The following MTMR2 variants were observed in gnomAD, a reference collection of about 807,000 sequenced individuals.
MTMR2 encodes phosphatidylinositol-3,5-bisphosphate 3-phosphatase MTMR2.
In MTMR2, 55 loss-of-function variants were observed where a neutral mutation model predicts 86.9. The ratio of observed to expected loss-of-function variants is 0.63; its 90% confidence interval spans 0.51 to 0.79. The LOEUF (loss-of-function observed/expected upper bound fraction) is 0.79. Ranked by LOEUF, MTMR2 falls within the 30% of genes least tolerant of loss-of-function variation. The probability of loss-of-function intolerance (pLI) is 0.00; values close to 1 mark genes in which losing one functional copy is unlikely to be tolerated. For synonymous variants in MTMR2, 241 were observed against 266.8 expected, an observed-to-expected ratio of 0.90 and a Z score of 0.94; for missense variants, 659 against 772.3, an observed-to-expected ratio of 0.85 and a Z score of 1.74.
intron 1 of MTMR2, among the ~76,000 whole-genome samples, chr11:95,894,848 A>C (rs1407767928): frequency 6.6e-6 from 1 of 152,152 alleles, no homozygotes; most frequent in Non-Finnish European, 1.5e-5. Flanking sequence ...TACATCACCA[A>C]TAATAACTTT....
intron 1 of MTMR2, among the ~76,000 whole-genome samples, chr11:95,912,706 T>C (rs1051882442): frequency 3.5e-4 from 53 of 151,894 alleles, no homozygotes; most frequent in African/African-American, 1.2e-3. Context: ...CTCAGAGATC[T>C]TGTGAATATC....
intron 1 of MTMR2, among the ~76,000 whole-genome samples, chr11:95,915,795 C>T (rs1031382961): frequency 1.3e-5 from 2 of 152,162 alleles, no homozygotes; most frequent in Non-Finnish European, 2.9e-5. Context: ...CCATCAACTT[C>T]ATTACCACTA....
intron 1 of MTMR2, among the ~76,000 whole-genome samples, chr11:95,919,555 C>T (rs1408339729): frequency 6.6e-6 from 1 of 152,064 alleles, no homozygotes; most frequent in Non-Finnish European, 1.5e-5. Flanking sequence ...CGACTAACAA[C>T]ACAAGTTAGA....
chr11:95,843,380 G>A (rs1400227821), intron 11 of MTMR2, among the ~76,000 whole-genome samples: 1 of 152,062 alleles, frequency 6.6e-6, no homozygotes, highest in Non-Finnish European at 1.5e-5. Flanking sequence ...AACCACACAT[G>A]GGTAAAAGAT....
chr11:95,908,895 C>T (rs1195185309), intron 1 of MTMR2, among the ~76,000 whole-genome samples: 1 of 152,112 alleles, frequency 6.6e-6, no homozygotes. Flanking sequence ...GGAATATATA[C>T]ATATACACAT....
chr11:95,914,979 T>A (rs2135626283), intron 1 of MTMR2, among the ~76,000 whole-genome samples: 1 of 152,308 alleles, frequency 6.6e-6, no homozygotes, highest in Non-Finnish European at 1.5e-5. Context: ...CCCAGCATAG[T>A]AAGCATGCAA....
chr11:95,923,822 G>T (rs1867025299), intron 1 of MTMR2, 53 bp downstream of exon 1: 8 of 1,533,726 alleles, frequency 5.2e-6, no homozygotes, highest in Non-Finnish European at 6.2e-6. Flanking sequence ...CAGGTCCCCG[G>T]CCCCTCTCCA....
intron 1 of MTMR2, among the ~76,000 whole-genome samples, chr11:95,897,340 G>A (rs1865914953): frequency 6.6e-6 from 1 of 152,084 alleles, no homozygotes; most frequent in Non-Finnish European, 1.5e-5. Flanking sequence ...ACACATGCAT[G>A]TGTGCTAAAA....
chr11:95,845,256 A>G (rs1863737603), intron 10 of MTMR2, 97 bp from the exon 11 acceptor site: 2 of 1,026,456 alleles, frequency 1.9e-6, no homozygotes, highest in Non-Finnish European at 3.0e-6. Context: ...CATTATTTCA[A>G]TAACATGAGG....
Position 95,857,581 on chromosome 11 carries a change from A to G in MTMR2, c.625T>C (p.Tyr209His). The G allele has an allele frequency of 6.2e-7, 1 of 1,612,602 alleles. No homozygotes were observed. The highest frequency in any genetic ancestry group is 1.7e-5 in the Admixed American group (1 of 60,006). Residue 209 changes from tyrosine to histidine, a missense_variant, in exon 7 of 15, where the codon TAT becomes CAT. Around this residue, in one of 3 missense-constraint regions of MTMR2, gnomAD observed 387 missense variants for 526.3 expected, o/e 0.74. Coordinates refer to ENST00000346299, the MANE Select transcript of MTMR2 (RefSeq NM_016156.6). ...EVFPENGWKLYDPLLEYRRQG... is the reference protein window; with the variant it reads ...EVFPENGWKLHDPLLEYRRQG... Reference sequence around the variant, plus strand: ...CTTCTATACTCTAAAAGAGGGTCATATAGCTTCCACCCATTTTCAGGGAAT... The same window carrying G: ...CTTCTATACTCTAAAAGAGGGTCATGTAGCTTCCACCCATTTTCAGGGAAT...
intron 11 of MTMR2, among the ~76,000 whole-genome samples, chr11:95,842,696 G>A (rs1421146527): frequency 6.6e-6 from 1 of 152,172 alleles, no homozygotes; most frequent in East Asian, 1.9e-4. Context: ...ACCTTTTTCA[G>A]TGTGTTGGCA....
intron 8 of MTMR2, among the ~76,000 whole-genome samples, chr11:95,850,223 C>T (rs550218076): frequency 6.6e-6 from 1 of 151,888 alleles, no homozygotes; most frequent in South Asian, 2.1e-4. Flanking sequence ...ATTATTTAAG[C>T]TCATCTTTCT....
In MTMR2 at chr11:95,833,929, A is replaced by G. The variant is rs1394445265; in HGVS notation, c.*1361T>C. The G allele has an allele frequency of 1.3e-5, 2 of 151,894 alleles. No individual in the cohort carries two copies. Among genetic ancestry groups the G allele is most frequent in the Admixed American group, 6.6e-5 (1 of 15,174 alleles). 9.4% of individuals were successfully genotyped at this position (151,894 alleles called of 1,614,324 possible). A position where few individuals can be genotyped will look rare whatever the true frequency, so the allele number is the denominator to read the frequency against. On this transcript the variant is annotated 3_prime_UTR_variant, in exon 15 of 15. Transcript: ENST00000346299. Reference sequence around the variant, plus strand: ...GTTCAGACTCTCTGTATAGTGAATTAGTGAGTGGAAAAACACTGTATATTT... The same window carrying G: ...GTTCAGACTCTCTGTATAGTGAATTGGTGAGTGGAAAAACACTGTATATTT...
chr11:95,891,188 C>T (rs1381012988), intron 1 of MTMR2, among the ~76,000 whole-genome samples: 1 of 152,008 alleles, frequency 6.6e-6, no homozygotes, highest in South Asian at 2.1e-4. Flanking sequence ...TAGTGGCTCA[C>T]GCCTGTAATC....
At position 95,844,939 on chromosome 11, in the gene MTMR2, G is replaced by A. The variant is rs756723447; in HGVS notation, c.1386+14C>T. 4.4e-6 allele frequency: 7 copies of A among 1,578,608 alleles called. No individual in the cohort carries two copies. The highest frequency in any genetic ancestry group is 1.7e-4 in the Middle Eastern group (1 of 5,982). The stretch of plus-strand genomic sequence containing the variant: ...ATGCATGTGATATATCCAAAGTCAA[G>A]GTTCCTTACTTACTAGTTGAAATCG... On this transcript the variant is annotated intron_variant, in intron 11 of 14. Transcript: ENST00000346299.
chr11:95,891,458 A>AAAGAAAG (rs1565376425), intron 1 of MTMR2, among the ~76,000 whole-genome samples: 2 of 151,772 alleles, frequency 1.3e-5, no homozygotes, highest in Admixed American at 6.6e-5. Context: ...CCAAAAAAAA[A>AAAGAAAG]AAAGAAAGAA....
intron 14 of MTMR2, 28 bp from the exon 15 acceptor site, chr11:95,835,479 A>G (rs775337882): frequency 1.3e-6 from 2 of 1,588,240 alleles, no homozygotes; most frequent in South Asian, 2.2e-5. Flanking sequence ...AAAATATTCA[A>G]CTAGGCAATC....
intron 7 of MTMR2, among the ~76,000 whole-genome samples, chr11:95,854,182 G>C (rs1158290010): frequency 6.6e-6 from 1 of 152,122 alleles, no homozygotes; most frequent in African/African-American, 2.4e-5. Flanking sequence ...GAATTGGCTA[G>C]CCCTCAGACA....
At chr11:95,848,365 A>T (rs950771272) in intron 9 of MTMR2, among the ~76,000 whole-genome samples, 8 of 152,262 alleles carry the variant, frequency 5.3e-5, no homozygotes, top group African/African-American at 1.9e-4. Context: ...CTGAGAAATA[A>T]ACTCTTTGCA....
Sources: gnomAD v4.1 joint callset for allele counts (sites outside exome capture counted in the v4.1 genomes callset) on GRCh38, gnomAD v4.1.1 for gene constraint, gnomAD v4.1.1 regional missense constraint, MANE v1.5 for transcripts, NCBI Gene and HGNC (gene_info 2026-07-23, HGNC 2026-07-21) for gene names.